The following HIPK2 variants were observed in gnomAD, a reference collection of about 807,000 sequenced individuals.
HIPK2 encodes the protein homeodomain interacting protein kinase 2.
A neutral mutation model predicts 113.7 loss-of-function variants in HIPK2; 27 were observed. The ratio of observed to expected loss-of-function variants is 0.24; its 90% CI spans 0.17 to 0.33. HIPK2 has a LOEUF of 0.33. Ranked by LOEUF, HIPK2 falls within the 10% of genes least tolerant of loss-of-function variation. The pLI, the probability that HIPK2 is intolerant of heterozygous loss-of-function variation, is 1.00. For synonymous variants in HIPK2, 631 were observed against 642.2 expected (o/e 0.98, Z 0.26); for missense variants, 1,257 against 1,588.0 (o/e 0.79, Z 3.54).
At chr7:139,754,508 A>C (rs911073774) in intron 1 of HIPK2, among the ~76,000 whole-genome samples, 1 of 152,272 alleles carries the variant, frequency 6.6e-6, no homozygotes, top group African/African-American at 2.4e-5. Flanking sequence ...CCAGGTTAGA[A>C]TATAGATACA....
At chr7:139,596,280 A>T (rs920511509) in intron 12 of HIPK2, among the ~76,000 whole-genome samples, 1 of 152,374 alleles carries the variant, frequency 6.6e-6, no homozygotes, top group East Asian at 1.9e-4. Flanking sequence ...AGATTAGGTT[A>T]ATCAGACACA....
In HIPK2 at chr7:139,572,610, T is replaced by TA. The variant is rs1389317816; in HGVS notation, c.*316_*317insT. On this transcript the variant is annotated 3_prime_UTR_variant, in exon 15 of 15. Transcript: ENST00000406875. ...TTGAGCTGGGTTTTTTGTTATTGAC[T>TA]TTTTTTTTTTCCTTTTTCTTTTTTA... 5.3e-6 allele frequency: 1 copy of TA among 188,050 alleles called. No homozygotes were observed. Among genetic ancestry groups the TA allele is most frequent in the African/African-American group, 2.4e-5 (1 of 41,756 alleles). The allele number at this position is 188,050 out of a possible 1,614,324, so 11.6% of individuals were successfully genotyped here. A position where few individuals can be genotyped will look rare whatever the true frequency, so the allele number is the denominator to read the frequency against.
intron 2 of HIPK2, among the ~76,000 whole-genome samples, chr7:139,634,674 G>GTTTTTTTTTTTTTTTTTTTTTT (rs1181829827): frequency 4.4e-5 from 5 of 113,630 alleles, no homozygotes; most frequent in African/African-American, 1.6e-4. Context: ...TCTGTTTCAG[G>GTTTTTTTTTTTTTTTTTTTTTT]TTTTTTTTTT....
intron 2 of HIPK2, among the ~76,000 whole-genome samples, chr7:139,678,212 C>T (rs1172337642): frequency 6.6e-6 from 1 of 152,188 alleles, no homozygotes; most frequent in African/African-American, 2.4e-5. Context: ...TGTGCAGAAG[C>T]TCTTTAGTTT....
At chr7:139,645,809 G>A (rs1329875460) in intron 2 of HIPK2, among the ~76,000 whole-genome samples, 2 of 152,152 alleles carry the variant, frequency 1.3e-5, no homozygotes, top group Admixed American at 6.5e-5. Context: ...GCCATGGCCC[G>A]TCTGCTCACA....
intron 12 of HIPK2, among the ~76,000 whole-genome samples, chr7:139,584,689 T>C (rs914440473): frequency 2.0e-5 from 3 of 152,072 alleles, no homozygotes; most frequent in Middle Eastern, 3.2e-3. Flanking sequence ...TTACTTTGAG[T>C]GTGCTCTGTG....
In HIPK2 at chr7:139,675,939, G is replaced by A. The variant is rs182069504; in HGVS notation, c.1103+39993C>T. Among the ~76,000 whole-genome samples, 510 of 152,230 alleles carry A rather than the reference G, an allele frequency of 3.4e-3. 6 individuals carry two copies. The highest frequency in any genetic ancestry group is 0.012 in the African/African-American group (482 of 41,522). On this transcript the variant is annotated intron_variant, in intron 2 of 14. Transcript: ENST00000406875. ...CTCATACTTGGTCCCTTTCCCAAAA[G>A]CTCCAGTCCACTGAATCATTCTCAT...
chr7:139,664,665 C>G (rs904714791), intron 2 of HIPK2, among the ~76,000 whole-genome samples: 1 of 152,212 alleles, frequency 6.6e-6, no homozygotes, highest in African/African-American at 2.4e-5. Flanking sequence ...CTCCGCTGGT[C>G]TCTTCTTTTG....
chr7:139,720,800 G>A (rs1419807782), intron 1 of HIPK2, among the ~76,000 whole-genome samples: 2 of 152,194 alleles, frequency 1.3e-5, no homozygotes, highest in Non-Finnish European at 2.9e-5. Context: ...GGCGGTCAGA[G>A]AGAGCGACAG....
At chr7:139,664,120 G>A (rs12668118) in intron 2 of HIPK2, among the ~76,000 whole-genome samples, 58,898 of 152,106 alleles carry the variant, frequency 0.39, 12,282 homozygotes, top group East Asian at 0.55. Context: ...GGTTTCTCCT[G>A]AAGTCAAACA....
At chr7:139,769,140 CA>C (rs1353323567) in intron 1 of HIPK2, among the ~76,000 whole-genome samples, 5 of 152,140 alleles carry the variant, frequency 3.3e-5, no homozygotes, top group South Asian at 2.1e-4. Context: ...GGGAGGAAAG[CA>C]AAAAGAAACC....
In HIPK2 at chr7:139,688,976, C is replaced by A. The variant is rs1322723444; in HGVS notation, c.1103+26956G>T. On this transcript the variant is annotated intron_variant, in intron 2 of 14. Coordinates refer to ENST00000406875, the MANE Select transcript of HIPK2 (RefSeq NM_022740.5). Reference sequence around the variant, plus strand: ...TTTCCAGTCTTACTAAGAGTTTATACCTTATGGTACCACTACAAGTCAAAC... The same window carrying A: ...TTTCCAGTCTTACTAAGAGTTTATAACTTATGGTACCACTACAAGTCAAAC... 2.6e-5 allele frequency among the ~76,000 whole-genome samples: 4 copies of A among 152,136 alleles called. No individual in the cohort carries two copies. The East Asian group carries it at 7.7e-4, about 29-fold the overall frequency.
At chr7:139,594,396 T>C (rs917696022) in intron 12 of HIPK2, among the ~76,000 whole-genome samples, 8 of 152,220 alleles carry the variant, frequency 5.3e-5, no homozygotes, top group African/African-American at 1.9e-4. Context: ...CAATAAATAC[T>C]GACTGTGTTA....
At chr7:139,624,027 ATTT>A (rs61607452) in intron 6 of HIPK2, among the ~76,000 whole-genome samples, 4 of 143,504 alleles carry the variant, frequency 2.8e-5, no homozygotes, top group Non-Finnish European at 3.1e-5. Context: ...ACGGCTTCCT[ATTT>A]TTTTTTTTTT....
intron 6 of HIPK2, 129 bp downstream of exon 6, chr7:139,626,472 T>C: frequency 2.2e-6 from 2 of 913,888 alleles, no homozygotes; most frequent in African/African-American, 1.7e-5. Context: ...CATCTGTGGC[T>C]GCTTTCAGCT....
chr7:139,574,071 C>T (rs1798405980), intron 14 of HIPK2, among the ~76,000 whole-genome samples: 1 of 152,192 alleles, frequency 6.6e-6, no homozygotes, highest in Non-Finnish European at 1.5e-5. Context: ...AATGATCCCC[C>T]CGCCTTGGGC....
intron 1 of HIPK2, among the ~76,000 whole-genome samples, chr7:139,734,300 A>G (rs1795876794): frequency 6.6e-6 from 1 of 152,254 alleles, no homozygotes; most frequent in African/African-American, 2.4e-5. Context: ...GTGTGCACGT[A>G]CTAATCCCCC....
In HIPK2 at chr7:139,716,906, C is replaced by T. The variant is rs1795263700; in HGVS notation, c.129G>A (p.Gly43=). The part of the protein sequence containing the change: ...IEPSSNWDMT[G]YGSHSKVYSQ... ...TATACACTTTGCTGTGGGAGCCGTA[C>T]CCAGTCATGTCCCAGTTGGAACTCG... Residue 43 remains glycine (G), a synonymous_variant, in exon 2 of 15, where the codon GGG becomes GGA. Transcript: ENST00000406875. The surrounding 1 kb of genome is among the most constrained non-coding windows in gnomAD (Gnocchi z 9.3). 3 of 1,613,718 alleles carry T rather than the reference C, an allele frequency of 1.9e-6. No individual in the cohort carries two copies. Among genetic ancestry groups the T allele is most frequent in the Non-Finnish European group, 2.5e-6 (3 of 1,179,880 alleles).
intron 2 of HIPK2, among the ~76,000 whole-genome samples, chr7:139,655,293 C>T (rs975098806): frequency 2.6e-5 from 4 of 152,186 alleles, no homozygotes; most frequent in East Asian, 1.9e-4. Flanking sequence ...TCAGAGCAAG[C>T]GAAGCTAGTT....
Sources: allele counts gnomAD v4.1 joint callset (sites outside exome capture counted in the v4.1 genomes callset), GRCh38; gene constraint gnomAD v4.1.1; non-coding constraint Gnocchi (gnomAD v3.1); transcripts MANE v1.5; gene names NCBI Gene and HGNC (gene_info 2026-07-23, HGNC 2026-07-21).